The following NAV1 variants were observed in gnomAD, a reference collection of about 807,000 sequenced individuals.
NAV1 encodes pore membrane and/or filament interacting like protein 3.
Under a neutral mutation model 175.2 loss-of-function variants are expected in NAV1, and 18 were observed. The ratio of observed to expected loss-of-function variants is 0.10; its 90% CI spans 0.07 to 0.15. NAV1 has a LOEUF of 0.15. Among genes scored for constraint, NAV1 ranks in the 10% least tolerant of loss-of-function variants. The probability of loss-of-function intolerance (pLI) is 1.00; values close to 1 mark genes in which losing one functional copy is unlikely to be tolerated. For missense variants in NAV1, 1,731 were observed against 2,436.6 expected (o/e 0.71, Z 6.10); for synonymous variants, 897 against 978.7 (o/e 0.92, Z 1.56).
intron 3 of NAV1, chr1:201,739,846 T>C (rs1314772477): frequency 4.8e-6 from 6 of 1,255,056 alleles, no homozygotes; most frequent in East Asian, 3.2e-5. Context: ...GCTGGAGCCG[T>C]AAGTACAAGC....
intron 3 of NAV1, among the ~76,000 whole-genome samples, chr1:201,754,910 C>T (rs1341348816): frequency 6.6e-6 from 1 of 152,164 alleles, no homozygotes; most frequent in Non-Finnish European, 1.5e-5. Context: ...TAATTTGTCT[C>T]AAACAATGGA....
At chr1:201,725,577 GC>G (rs1672571724) in intron 3 of NAV1, among the ~76,000 whole-genome samples, 1 of 151,898 alleles carries the variant, frequency 6.6e-6, no homozygotes, top group African/African-American at 2.4e-5. Context: ...AGGAGTTGGG[GC>G]GGGGGGGCTA....
At chr1:201,551,667 A>G (rs1665859009) in intron 1 of NAV1, among the ~76,000 whole-genome samples, 1 of 152,236 alleles carries the variant, frequency 6.6e-6, no homozygotes, top group Admixed American at 6.5e-5. Context: ...ATTTCTCAAT[A>G]AAAGCTACTT....
intron 3 of NAV1, among the ~76,000 whole-genome samples, chr1:201,780,045 C>T (rs542024140): frequency 8.5e-5 from 13 of 152,172 alleles, no homozygotes; most frequent in African/African-American, 2.9e-4. Flanking sequence ...AGATGCAGAA[C>T]GCGTCTAAAA....
intron 2 of NAV1, among the ~76,000 whole-genome samples, chr1:201,593,638 G>C (rs554746747): frequency 6.6e-6 from 1 of 152,092 alleles, no homozygotes; most frequent in Non-Finnish European, 1.5e-5. Flanking sequence ...TACTGGGCCC[G>C]CACGATATGT....
At chr1:201,666,913 A>C (rs771829394) in intron 1 of NAV1, among the ~76,000 whole-genome samples, 1 of 151,908 alleles carries the variant, frequency 6.6e-6, no homozygotes, top group Non-Finnish European at 1.5e-5. Flanking sequence ...GATTTCTCTC[A>C]ACGGAATTAA....
intron 2 of NAV1, among the ~76,000 whole-genome samples, chr1:201,596,183 G>A (rs1425026955): frequency 6.6e-6 from 1 of 152,228 alleles, no homozygotes; most frequent in East Asian, 1.9e-4. Flanking sequence ...TGGAAGCAAT[G>A]CCTGGCATGT....
At chr1:201,767,444 C>A (rs1476176903) in intron 3 of NAV1, among the ~76,000 whole-genome samples, 1 of 139,564 alleles carries the variant, frequency 7.2e-6, no homozygotes, top group East Asian at 2.2e-4. Flanking sequence ...GGGCGAGACT[C>A]CGCCTCAAAA....
At chr1:201,632,271 C>T (rs568680709) in intron 2 of NAV1, among the ~76,000 whole-genome samples, 2 of 152,378 alleles carry the variant, frequency 1.3e-5, no homozygotes, top group South Asian at 4.1e-4. Flanking sequence ...TGCCTCCAAC[C>T]TGGGGCACTG....
chr1:201,795,319 G>A (rs1558175005), intron 15 of NAV1: 2 of 152,098 alleles, frequency 1.3e-5, no homozygotes, highest in Non-Finnish European at 2.9e-5. Flanking sequence ...CACTCCATGC[G>A]TTTATATTCA....
intron 1 of NAV1, among the ~76,000 whole-genome samples, chr1:201,577,472 A>ATTT (rs36112197): frequency 1.8e-3 from 175 of 97,870 alleles, no homozygotes; most frequent in East Asian, 9.4e-3. Flanking sequence ...TGAGACTTAG[A>ATTT]TTTTTTTTTT....
chr1:201,749,018 G>C (rs1420137355), intron 3 of NAV1, among the ~76,000 whole-genome samples: 1 of 152,042 alleles, frequency 6.6e-6, no homozygotes, highest in Non-Finnish European at 1.5e-5. Context: ...CATGGTGGCA[G>C]GTGACTACAA....
intron 2 of NAV1, among the ~76,000 whole-genome samples, chr1:201,642,704 T>C (rs377506013): frequency 7.2e-6 from 1 of 138,960 alleles, no homozygotes; most frequent in African/African-American, 2.7e-5. Context: ...TTCTCTCTCT[T>C]TCTTTCTTTC....
rs565126123 is a variant in NAV1 at position 201,804,624 on chromosome 1, A to G, written c.3648+127A>G. On this transcript the variant is annotated intron_variant, in intron 17 of 29. Coordinates refer to ENST00000367296, the Ensembl canonical transcript of NAV1. The stretch of plus-strand genomic sequence containing the variant: ...AAAATGAATGACCACTCATAACACT[A>G]ACTGTAACAACCACCCAGAGTTCCT... The G allele has an allele frequency of 3.7e-4, 321 of 866,596 alleles. 7 individuals carry two copies. In the South Asian group the frequency reaches 5.5e-3, roughly 15 times the overall value. The allele number at this position is 866,596 out of a possible 1,614,324, so 53.7% of individuals were successfully genotyped here.
At chr1:201,554,129 G>A (rs908147000) in intron 1 of NAV1, among the ~76,000 whole-genome samples, 2 of 152,176 alleles carry the variant, frequency 1.3e-5, no homozygotes, top group African/African-American at 4.8e-5. Context: ...GGGAAGTTCA[G>A]ATCATTTGTA....
In NAV1 at chr1:201,782,070, AC is replaced by A; in HGVS notation, c.1664-105del. The A allele has an allele frequency of 9.6e-7, 1 of 1,041,754 alleles. No individual in the cohort carries two copies. Among genetic ancestry groups the A allele is most frequent in the South Asian group, 1.6e-5 (1 of 60,628 alleles). 64.5% of individuals were successfully genotyped at this position (1,041,754 alleles called of 1,614,324 possible). A position where few individuals can be genotyped will look rare whatever the true frequency, so the allele number is the denominator to read the frequency against. On this transcript the variant is annotated intron_variant, in intron 5 of 29. Coordinates refer to ENST00000367296, the Ensembl canonical transcript of NAV1. This position sits in a 1 kb window ranked among gnomAD's most constrained non-coding sequence, Gnocchi z 5.4. ...CCCAAATTTAGGCCTCTAAAAGTCT[AC>A]AATACATGGACAATGTTCCCTTCTC...
At chr1:201,797,414 T>C (rs1328406314) in intron 15 of NAV1, 2 of 152,214 alleles carry the variant, frequency 1.3e-5, no homozygotes, top group East Asian at 1.9e-4. Flanking sequence ...ATTGTTTTGA[T>C]TACTGTAGCT....
intron 2 of NAV1, among the ~76,000 whole-genome samples, chr1:201,600,902 T>C (rs1667493555): frequency 6.6e-6 from 1 of 152,208 alleles, no homozygotes; most frequent in Admixed American, 6.5e-5. Flanking sequence ...AGCCATCTCC[T>C]GGGGAGGTTT....
chr1:201,584,047 T>A (rs1247924795), intron 1 of NAV1, among the ~76,000 whole-genome samples: 4 of 152,210 alleles, frequency 2.6e-5, no homozygotes, highest in Non-Finnish European at 5.9e-5. Flanking sequence ...CTGTGATGAT[T>A]TTTCTGTACA....
Sources: allele counts gnomAD v4.1 joint callset (sites outside exome capture counted in the v4.1 genomes callset), GRCh38; gene constraint gnomAD v4.1.1; non-coding constraint Gnocchi (gnomAD v3.1); transcripts MANE v1.5; gene names NCBI Gene and HGNC (gene_info 2026-07-23, HGNC 2026-07-21).